Variants in CAST observed in about 807,000 individuals in gnomAD.
CAST encodes the protein MIR583 host.
In CAST, 76 loss-of-function variants were observed where a neutral mutation model predicts 119.6. The ratio of observed to expected loss-of-function variants is 0.64; its 90% CI spans 0.53 to 0.77. The LOEUF (loss-of-function observed/expected upper bound fraction) is 0.77. CAST is among the 30% of genes least tolerant of loss of function. CAST has a pLI of 0.00. For missense variants in CAST, 953 were observed against 946.5 expected (o/e 1.01, Z -0.09); for synonymous variants, 319 against 331.6 (o/e 0.96, Z 0.41).
chr5:96,072,090 G>C, the CAST span, among the ~76,000 whole-genome samples: 1 of 152,274 alleles, frequency 6.6e-6, no homozygotes, highest in African/African-American at 2.4e-5. Flanking sequence ...TGTGGCAAAA[G>C]TCATGGAGGT....
exon 1 of CAST, chr5:96,529,830 C>T (rs1218701966): frequency 2.3e-6 from 1 of 434,998 alleles, no homozygotes; most frequent in Non-Finnish European, 4.6e-6. Context: ...TGGAGAGGTG[C>T]CTTCTGCCAT....
the CAST span, among the ~76,000 whole-genome samples, chr5:95,962,550 T>C: frequency 1.8e-4 from 27 of 152,168 alleles, no homozygotes; most frequent in Non-Finnish European, 1.3e-4. Flanking sequence ...AGTCGACTCT[T>C]AGATGTAGGA....
chr5:96,086,645 C>T, the CAST span, among the ~76,000 whole-genome samples: 9 of 145,594 alleles, frequency 6.2e-5, no homozygotes, highest in East Asian at 1.6e-3. Context: ...AAAATGGTTC[C>T]TTTGACACCA....
chr5:96,530,174 G>T (rs777835049), intron 1 of CAST, among the ~76,000 whole-genome samples: 1 of 152,094 alleles, frequency 6.6e-6, no homozygotes, highest in Non-Finnish European at 1.5e-5. Flanking sequence ...AACGTGGGAG[G>T]GAGGGAGGGA....
the CAST span, among the ~76,000 whole-genome samples, chr5:96,154,242 C>T: frequency 2.6e-5 from 4 of 151,388 alleles, no homozygotes; most frequent in Non-Finnish European, 5.9e-5. Flanking sequence ...AGCGCCACTG[C>T]ACTCCAGCCT....
chr5:96,521,433 C>T (rs1745517512), upstream of CAST, among the ~76,000 whole-genome samples: 1 of 152,146 alleles, frequency 6.6e-6, no homozygotes, highest in Non-Finnish European at 1.5e-5. Context: ...GTAATGTTCT[C>T]CATAGTTTCT....
the CAST span, among the ~76,000 whole-genome samples, chr5:96,490,421 G>A: frequency 6.6e-6 from 1 of 152,126 alleles, no homozygotes; most frequent in East Asian, 1.9e-4. Context: ...CAAAATGCAT[G>A]TGAAATGCAA....
the CAST span, among the ~76,000 whole-genome samples, chr5:96,520,247 T>A: frequency 6.6e-6 from 1 of 152,224 alleles, no homozygotes; most frequent in Non-Finnish European, 1.5e-5. Flanking sequence ...CCATTCTGTT[T>A]CCCAACACTG....
chr5:96,561,568 G>C (rs552354259), intron 1 of CAST, among the ~76,000 whole-genome samples: 14 of 151,524 alleles, frequency 9.2e-5, no homozygotes, highest in Non-Finnish European at 8.8e-5. Flanking sequence ...TGTTGGGGGT[G>C]GGGAGGTAGG....
chr5:96,688,311 T>A (rs1026209467), intron 2 of CAST, among the ~76,000 whole-genome samples: 19 of 152,308 alleles, frequency 1.2e-4, no homozygotes, highest in Middle Eastern at 3.4e-3. Flanking sequence ...TAAAACAAAT[T>A]AGAAATGTGG....
At chr5:95,983,970 A>T in the CAST span, among the ~76,000 whole-genome samples, 6 of 152,288 alleles carry the variant, frequency 3.9e-5, no homozygotes, top group Admixed American at 3.3e-4. Context: ...AAAAATGTAG[A>T]TCCTAGGGGA....
At chr5:96,149,776 A>C in the CAST span, among the ~76,000 whole-genome samples, 2 of 152,196 alleles carry the variant, frequency 1.3e-5, no homozygotes, top group Admixed American at 6.5e-5. Flanking sequence ...CCAATCTGTT[A>C]ATTCTTGTGT....
chr5:96,541,689 C>A lies in CAST; in HGVS notation c.60+11809C>A, dbSNP rs142400290. On this transcript the variant is annotated intron_variant, in intron 1 of 11. Coordinates refer to the CAST transcript ENST00000505143. The stretch of plus-strand genomic sequence containing the variant: ...TACGTTTGTATAGTTTTTTCCTTTT[C>A]CAGAATGTCACATAATTGAAATTAC... Among the ~76,000 whole-genome samples the A allele has an allele frequency of 7.2e-3, 1,100 of 152,242 alleles. 23 individuals are homozygous for A. The highest frequency in any genetic ancestry group is 0.025 in the African/African-American group (1,024 of 41,540).
At chr5:96,677,675 T>C (rs1267899580) in intron 2 of CAST, among the ~76,000 whole-genome samples, 8 of 152,250 alleles carry the variant, frequency 5.3e-5, no homozygotes, top group African/African-American at 9.6e-5. Context: ...AGCCTGGACA[T>C]ACCAGTCTTT....
At chr5:96,451,275 T>A in the CAST span, among the ~76,000 whole-genome samples, 1 of 152,202 alleles carries the variant, frequency 6.6e-6, no homozygotes, top group Admixed American at 6.5e-5. Context: ...CAGTTCTTAA[T>A]AAATGTCTGT....
chr5:96,178,081 C>T, the CAST span, among the ~76,000 whole-genome samples: 1 of 152,172 alleles, frequency 6.6e-6, no homozygotes, highest in African/African-American at 2.4e-5. Context: ...CTCAAATATA[C>T]ATATCTGGAC....
intron 2 of CAST, among the ~76,000 whole-genome samples, chr5:96,679,025 G>A (rs555288573): frequency 6.6e-6 from 1 of 151,778 alleles, no homozygotes; most frequent in African/African-American, 2.4e-5. Flanking sequence ...TTTGAGATGA[G>A]GTCTTACTCT....
At position 96,754,662 on chromosome 5, in the gene CAST, A is replaced by C; in HGVS notation, c.1631A>C (p.Lys544Thr). 2 of 1,589,774 alleles carry C rather than the reference A, an allele frequency of 1.3e-6. No homozygotes were observed. ...GKPVMDKVKE[K>T]AKEEDREKLG... is the part of the protein sequence containing the mutation. ...AAATGGTATAATTTTTCTCAGGAGA[A>C]GGCCAAAGAAGAAGACCGTGAAAAG... is the stretch of plus-strand genomic sequence containing the variant. The change falls in exon 22 of 32, where the codon AAG becomes ACG. Residue 544 changes from lysine to threonine, a missense_variant. Transcript: ENST00000675179.
At chr5:96,572,632 A>T (rs926749988) in intron 1 of CAST, among the ~76,000 whole-genome samples, 3 of 152,224 alleles carry the variant, frequency 2.0e-5, no homozygotes, top group African/African-American at 7.2e-5. Context: ...TTAGTGTTGG[A>T]CTTGGTATCT....
Sources: gnomAD v4.1 joint callset for allele counts (sites outside exome capture counted in the v4.1 genomes callset) on GRCh38, gnomAD v4.1.1 for gene constraint, MANE v1.5 for transcripts, NCBI Gene and HGNC (gene_info 2026-07-23, HGNC 2026-07-21) for gene names.